Variants in TCF7L1 observed in about 807,000 individuals in gnomAD.
TCF7L1 encodes transcription factor 7-like 1.
In TCF7L1, 18 loss-of-function variants were observed where a neutral mutation model predicts 63.7. The ratio of observed to expected loss-of-function variants is 0.28; its 90% CI spans 0.20 to 0.42. The LOEUF is 0.42. TCF7L1 is among the 10% of genes least tolerant of loss of function. The pLI is 1.00. For missense variants in TCF7L1, 654 were observed against 779.3 expected, an observed-to-expected ratio of 0.84 and a Z score of 1.91; for synonymous variants, 355 against 340.9, an observed-to-expected ratio of 1.04 and a Z score of -0.46.
rs1360117837 is a variant in TCF7L1, at chr2:85,134,078, A to G, written c.312A>G (p.Glu104=). The change falls in exon 2 of 12, where the codon GAA becomes GAG. Residue 104 remains glutamate (E), a splice_region_variant and synonymous_variant. Transcript: ENST00000282111. This position sits in a 1 kb window ranked among gnomAD's most constrained non-coding sequence, Gnocchi z 5.0. ...TFQKPRDYFA[E]VRRPQDSAFF... ...AGAAGCCGCGGGACTATTTCGCCGA[A>G]GGTATGTGCCCGCTGGGACAGCCCC... 15 of 1,609,546 alleles carry G rather than the reference A, an allele frequency of 9.3e-6. No homozygotes were observed. The highest frequency in any genetic ancestry group is 1.3e-5 in the Non-Finnish European group (15 of 1,179,088).
intron 3 of TCF7L1, among the ~76,000 whole-genome samples, chr2:85,164,523 G>A: frequency 6.6e-6 from 1 of 152,134 alleles, no homozygotes; most frequent in East Asian, 1.9e-4. Context: ...ATGGAGAGGA[G>A]GAGGCGTTCC....
At chr2:85,183,789 T>C (rs1480476004) in intron 3 of TCF7L1, among the ~76,000 whole-genome samples, 1 of 152,178 alleles carries the variant, frequency 6.6e-6, no homozygotes, top group African/African-American at 2.4e-5. Flanking sequence ...GAGGTGGCAT[T>C]ACAGAGCCCA....
intron 3 of TCF7L1, chr2:85,204,848 G>A (rs532798329): frequency 8.6e-5 from 13 of 150,988 alleles, no homozygotes; most frequent in African/African-American, 2.2e-4. Flanking sequence ...TTTTTAATAA[G>A]CAGAGAAAAT....
intron 3 of TCF7L1, among the ~76,000 whole-genome samples, chr2:85,172,246 G>A (rs1345978945): frequency 6.6e-6 from 1 of 151,976 alleles, no homozygotes; most frequent in Non-Finnish European, 1.5e-5. Flanking sequence ...GTAATGGTCG[G>A]CCCTCCTCTC....
chr2:85,221,384 GT>G (rs1679837053), intron 3 of TCF7L1, among the ~76,000 whole-genome samples: 1 of 152,192 alleles, frequency 6.6e-6, no homozygotes, highest in Non-Finnish European at 1.5e-5. Context: ...CTTGTTTCCT[GT>G]CTTAGTTCAT....
chr2:85,209,001 G>A (rs1572992487), intron 3 of TCF7L1, among the ~76,000 whole-genome samples: 2 of 152,252 alleles, frequency 1.3e-5, no homozygotes, highest in South Asian at 4.2e-4. Flanking sequence ...GAATAACGGG[G>A]TCAAATATTT....
At chr2:85,231,224 C>T (rs1680069279) in intron 3 of TCF7L1, among the ~76,000 whole-genome samples, 1 of 152,152 alleles carries the variant, frequency 6.6e-6, no homozygotes, top group African/African-American at 2.4e-5. Flanking sequence ...ACTCAGCTGC[C>T]CAAGCATCTC....
intron 3 of TCF7L1, among the ~76,000 whole-genome samples, chr2:85,190,306 T>C (rs975785659): frequency 1.3e-5 from 2 of 152,248 alleles, no homozygotes; most frequent in Admixed American, 6.5e-5. Context: ...AGAGTAGACT[T>C]TGAGATCTTG....
At chr2:85,177,364 A>G (rs1307344264) in intron 3 of TCF7L1, among the ~76,000 whole-genome samples, 2 of 152,200 alleles carry the variant, frequency 1.3e-5, no homozygotes, top group African/African-American at 2.4e-5. Context: ...AATATTTGCC[A>G]TATGTTTTAA....
At chr2:85,223,110 C>A (rs971403515) in intron 3 of TCF7L1, among the ~76,000 whole-genome samples, 4 of 152,204 alleles carry the variant, frequency 2.6e-5, no homozygotes, top group African/African-American at 9.7e-5. Flanking sequence ...GAGATGGAAT[C>A]TCACTCAGTC....
chr2:85,219,634 C>A (rs1233826912), intron 3 of TCF7L1, among the ~76,000 whole-genome samples: 1 of 152,056 alleles, frequency 6.6e-6, no homozygotes, highest in Non-Finnish European at 1.5e-5. Context: ...AATCCCAGCA[C>A]TTTGGGAGGC....
intron 3 of TCF7L1, among the ~76,000 whole-genome samples, chr2:85,154,923 T>C (rs1678110827): frequency 6.6e-6 from 1 of 152,090 alleles, no homozygotes; most frequent in Non-Finnish European, 1.5e-5. Context: ...TTCAAGCAAC[T>C]CTCCTGCCTC....
chr2:85,292,632 A>G (rs1681753706), intron 4 of TCF7L1, among the ~76,000 whole-genome samples: 1 of 152,082 alleles, frequency 6.6e-6, no homozygotes, highest in Non-Finnish European at 1.5e-5. Flanking sequence ...GCTGGAGTGC[A>G]GTGGCACAAT....
chr2:85,299,123 A>G (rs1681902447), intron 4 of TCF7L1, among the ~76,000 whole-genome samples: 1 of 151,878 alleles, frequency 6.6e-6, no homozygotes, highest in African/African-American at 2.4e-5. Flanking sequence ...CTAATACTTA[A>G]TTCTGTTACC....
chr2:85,172,517 C>A (rs1165731499), intron 3 of TCF7L1, among the ~76,000 whole-genome samples: 1 of 152,190 alleles, frequency 6.6e-6, no homozygotes, highest in Non-Finnish European at 1.5e-5. Flanking sequence ...ACCTCTGCCT[C>A]CCAGGTTCAA....
rs148866169 is a variant in TCF7L1, at chr2:85,299,517, C to T, written c.526-2967C>T. On this transcript the variant is annotated intron_variant, in intron 4 of 11. Transcript: ENST00000282111. The stretch of plus-strand genomic sequence containing the variant: ...CAGTGAACCGAGATCACACCACTTG[C>T]ACTCCAGCCTGGGTGACAGAGCAAG... 3.2e-3 allele frequency among the ~76,000 whole-genome samples: 481 copies of T among 150,770 alleles called. 1 individual carries two copies. Among genetic ancestry groups the T allele is most frequent in the African/African-American group, 0.011 (464 of 41,000 alleles).
At chr2:85,247,890 T>C (rs1423318849) in intron 3 of TCF7L1, among the ~76,000 whole-genome samples, 1 of 152,222 alleles carries the variant, frequency 6.6e-6, no homozygotes, top group Non-Finnish European at 1.5e-5. Context: ...ATCCTAATTG[T>C]AACCATACAG....
intron 3 of TCF7L1, among the ~76,000 whole-genome samples, chr2:85,162,292 T>C (rs535989307): frequency 2.2e-4 from 33 of 152,318 alleles, no homozygotes; most frequent in African/African-American, 6.7e-4. Flanking sequence ...CTGACTTCTG[T>C]GCCCAGAATC....
At position 85,134,391 on chromosome 2, in the gene TCF7L1, C is replaced by G. The variant is rs867723750; in HGVS notation, c.382C>G (p.Pro128Ala). 3.2e-6 allele frequency: 5 copies of G among 1,572,836 alleles called. No homozygotes were observed. Among genetic ancestry groups the G allele is most frequent in the African/African-American group, 1.4e-5 (1 of 73,918 alleles). The change falls in exon 3 of 12, where the codon CCG becomes GCG. Residue 128 changes from proline (P) to alanine (A), a missense_variant. Physicochemically the swap from Pro to Ala is conservative, Grantham distance 27. This residue lies in a region of TCF7L1 where 404 missense variants were observed against 454.8 expected (regional missense o/e 0.89). Coordinates refer to ENST00000282111, the MANE Select transcript of TCF7L1 (RefSeq NM_031283.3). This position sits in a 1 kb window ranked among gnomAD's most constrained non-coding sequence, Gnocchi z 5.0. ...PYPGYPFLMIPDLSSPYLSNG... is the reference protein window; with the variant it reads ...PYPGYPFLMIADLSSPYLSNG... ...CCCTGGGTACCCCTTCCTGATGATC[C>G]CGGACCTGAGCAGCCCGTACCTCTC...
Sources: gnomAD v4.1 joint callset for allele counts (sites outside exome capture counted in the v4.1 genomes callset) on GRCh38, gnomAD v4.1.1 for gene constraint, gnomAD v4.1.1 regional missense constraint, Gnocchi (gnomAD v3.1) non-coding constraint, MANE v1.5 for transcripts, NCBI Gene and HGNC (gene_info 2026-07-23, HGNC 2026-07-21) for gene names.